The following NDP variants were observed in gnomAD, a reference collection of about 807,000 sequenced individuals.
The protein encoded by NDP is norrin.
Under a neutral mutation model 8.4 loss-of-function variants are expected in NDP, and 2 were observed. That is an observed-to-expected ratio of 0.24 (90% CI 0.10 to 0.75). The LOEUF (loss-of-function observed/expected upper bound fraction) is 0.75, where lower values mean the gene tolerates loss of function less well. NDP is among the 30% of genes least tolerant of loss of function. NDP has a pLI of 0.73. For missense variants in NDP, 81 were observed against 110.1 expected (o/e 0.74, Z 1.18); for synonymous variants, 55 against 45.6 (o/e 1.21, Z -0.83).
chrX:43,949,703 C>T lies in NDP; in HGVS notation c.*96G>A. On this transcript the variant is annotated 3_prime_UTR_variant, in exon 3 of 3. Transcript: ENST00000642620. ...AGAGTCCCGGGAGAATTGTTGCATC[C>T]TTTTTTGCCTTAACTCTTTTCTTGC... 1 of 822,548 alleles carries T rather than the reference C, an allele frequency of 1.2e-6. No individual in the cohort carries two copies. The highest frequency in any genetic ancestry group is 1.8e-6 in the Non-Finnish European group (1 of 560,813). 67.8% of individuals were successfully genotyped at this position (822,548 alleles called of 1,213,427 possible).
chrX:43,971,973 C>T (rs1002510117), intron 1 of NDP, among the ~76,000 whole-genome samples: 1 of 111,658 alleles, frequency 9.0e-6, no homozygotes, highest in Non-Finnish European at 1.9e-5. Flanking sequence ...GGTTTAAACG[C>T]TCAGTTGAGA....
At chrX:43,972,380 G>A (rs1160090035) in intron 1 of NDP, among the ~76,000 whole-genome samples, 1 of 110,965 alleles carries the variant, frequency 9.0e-6, no homozygotes, top group Non-Finnish European at 1.9e-5. Flanking sequence ...CCAAGAAAGA[G>A]TTATGCCCAG....
intron 2 of NDP, among the ~76,000 whole-genome samples, chrX:43,955,430 T>A (rs773123655): frequency 1.8e-5 from 2 of 111,794 alleles, no homozygotes; most frequent in Admixed American, 9.5e-5. Context: ...TTCCTCAAAG[T>A]CACTCATTCG....
In NDP at chrX:43,956,081, G is replaced by C. The variant is rs765782338; in HGVS notation, c.174+2391C>G. Among the ~76,000 whole-genome samples the C allele has an allele frequency of 8.9e-4, 99 of 111,342 alleles. 1 individual carries two copies. The highest frequency in any genetic ancestry group is 1.5e-3 in the Non-Finnish European group (78 of 53,123). Reference sequence around the variant, plus strand: ...ATATCAAGCAATCTAATTATTTTGGGCTTCAGTTTTCCTTACCAGGATAAT... The same window carrying C: ...ATATCAAGCAATCTAATTATTTTGGCCTTCAGTTTTCCTTACCAGGATAAT... On this transcript the variant is annotated intron_variant, in intron 2 of 2. Transcript: ENST00000642620.
intron 2 of NDP, chrX:43,953,476 G>C (rs772656269): frequency 8.9e-6 from 1 of 112,493 alleles, no homozygotes; most frequent in South Asian, 3.7e-4. Context: ...GTTGATGTCA[G>C]TCCTACTGGG....
intron 1 of NDP, 108 bp from the exon 2 acceptor site, chrX:43,958,960 T>C (rs1372590311): frequency 3.6e-6 from 1 of 281,632 alleles, no homozygotes; most frequent in African/African-American, 2.7e-5. Context: ...GAGAGGAGAA[T>C]ATTGGTTTCT....
intron 2 of NDP, among the ~76,000 whole-genome samples, chrX:43,951,592 C>A (rs1422848943): frequency 8.9e-6 from 1 of 111,835 alleles, no homozygotes; most frequent in African/African-American, 3.3e-5. Context: ...GACTCACCAG[C>A]TATTATCTCT....
At chrX:43,954,956 G>C (rs779192997) in intron 2 of NDP, among the ~76,000 whole-genome samples, 10 of 110,644 alleles carry the variant, frequency 9.0e-5, no homozygotes, top group African/African-American at 3.3e-4. Flanking sequence ...CTCCATTCCT[G>C]AAATCCCCTC....
intron 2 of NDP, 136 bp downstream of exon 2, chrX:43,958,336 C>T (rs375577207): frequency 1.3e-6 from 1 of 751,022 alleles, no homozygotes; most frequent in Non-Finnish European, 2.0e-6. Context: ...AAGCCTCATT[C>T]TCCCACAAGC....
intron 1 of NDP, among the ~76,000 whole-genome samples, chrX:43,965,445 CAAT>C (rs1254626494): frequency 9.1e-6 from 1 of 110,176 alleles, no homozygotes; most frequent in Admixed American, 9.7e-5. Flanking sequence ...ACAGTAATAT[CAAT>C]AATAATAATA....
intron 1 of NDP, among the ~76,000 whole-genome samples, chrX:43,959,729 C>T (rs1318633859): frequency 1.8e-5 from 2 of 111,632 alleles, no homozygotes; most frequent in East Asian, 2.8e-4. Flanking sequence ...AACACTGGTG[C>T]CTTCTTTTTT....
chrX:43,958,752 G>T lies in NDP; in HGVS notation c.-107C>A. Reference sequence around the variant, plus strand: ...TCCAGTCCCGTTCAAGGAAAGGGCAGGATCGGGCTGAAGCTTTCTGGTTGT... The same window carrying T: ...TCCAGTCCCGTTCAAGGAAAGGGCATGATCGGGCTGAAGCTTTCTGGTTGT... On this transcript the variant is annotated 5_prime_UTR_variant, in exon 2 of 3. In the 5' UTR this introduces an upstream ATG that the reference lacks. Transcript: ENST00000642620. 1.4e-6 allele frequency: 1 copy of T among 692,765 alleles called. No individual in the cohort carries two copies. Among genetic ancestry groups the T allele is most frequent in the Non-Finnish European group, 2.3e-6 (1 of 441,759 alleles). 57.1% of individuals were successfully genotyped at this position (692,765 alleles called of 1,213,427 possible). A position where few individuals can be genotyped will look rare whatever the true frequency, so the allele number is the denominator to read the frequency against.
intron 1 of NDP, among the ~76,000 whole-genome samples, chrX:43,959,224 A>T (rs2035812759): frequency 9.0e-6 from 1 of 111,511 alleles, no homozygotes; most frequent in Non-Finnish European, 1.9e-5. Context: ...GGGAGGGTCT[A>T]TTCAGTTTCT....
chrX:43,952,592 G>A (rs983777110), intron 2 of NDP, among the ~76,000 whole-genome samples: 2 of 111,611 alleles, frequency 1.8e-5, no homozygotes, highest in African/African-American at 6.5e-5. Flanking sequence ...CAACAGCGTA[G>A]GGCCATTTGT....
chrX:43,952,615 C>T (rs1420081999), intron 2 of NDP, among the ~76,000 whole-genome samples: 1 of 111,679 alleles, frequency 9.0e-6, no homozygotes, highest in Non-Finnish European at 1.9e-5. Context: ...ATGAGCTCAT[C>T]TGATTGCAAT....
intron 2 of NDP, among the ~76,000 whole-genome samples, chrX:43,957,764 C>T (rs1377921499): frequency 2.0e-5 from 2 of 102,404 alleles, no homozygotes; most frequent in South Asian, 9.6e-4. Context: ...ATTCATTGTG[C>T]CTGTTTAGGG....
At chrX:43,968,414 G>A (rs1467134800) in intron 1 of NDP, among the ~76,000 whole-genome samples, 1 of 112,763 alleles carries the variant, frequency 8.9e-6, no homozygotes, top group Non-Finnish European at 1.9e-5. Flanking sequence ...AACTGTGTGG[G>A]TGTGTGAATT....
rs143589033 is a variant in NDP, at chrX:43,952,873, T to A, written c.175-2847A>T. On this transcript the variant is annotated intron_variant, in intron 2 of 2. Coordinates refer to ENST00000642620, the MANE Select transcript of NDP (RefSeq NM_000266.4). Reference sequence around the variant, plus strand: ...ACCCAGGTTTCACATGTATTTCCAGTCTTACTTACAACTATTCTCATCACT... The same window carrying A: ...ACCCAGGTTTCACATGTATTTCCAGACTTACTTACAACTATTCTCATCACT... Among the ~76,000 whole-genome samples the A allele has an allele frequency of 3.6e-3, 405 of 111,302 alleles. 4 individuals are homozygous for A. The highest frequency in any genetic ancestry group is 0.018 in the Middle Eastern group (4 of 217).
intron 2 of NDP, among the ~76,000 whole-genome samples, chrX:43,951,847 T>G (rs2035764941): frequency 8.9e-6 from 1 of 112,467 alleles, no homozygotes; most frequent in South Asian, 3.7e-4. Flanking sequence ...TGAATTTATT[T>G]TCTCTGAATG....
Sources: allele counts gnomAD v4.1 joint callset (sites outside exome capture counted in the v4.1 genomes callset), GRCh38; gene constraint gnomAD v4.1.1; transcripts MANE v1.5; gene names NCBI Gene and HGNC (gene_info 2026-07-23, HGNC 2026-07-21).